Variants in SNTB1 observed in about 807,000 individuals in gnomAD.
SNTB1 encodes beta-1-syntrophin.
Under a neutral mutation model 48.9 loss-of-function variants are expected in SNTB1, and 36 were observed. That is an observed-to-expected ratio of 0.74 (90% CI 0.56 to 0.97). SNTB1 has a LOEUF of 0.97. Among genes scored for constraint, SNTB1 ranks in the 50% least tolerant of loss-of-function variants. The probability of loss-of-function intolerance (pLI) is 0.00; values close to 1 mark genes in which losing one functional copy is unlikely to be tolerated. For synonymous variants in SNTB1, 299 were observed against 294.6 expected (o/e 1.01, Z -0.15); for missense variants, 786 against 703.4 (o/e 1.12, Z -1.33).
rs1400621053 is a variant in SNTB1 at position 120,536,387 on chromosome 8, T to C, written c.*2490A>G. The stretch of plus-strand genomic sequence containing the variant: ...TCCTCAAAGTGACTCGGTTGATTCA[T>C]TGACTGTACCCAAGCATGATCCAGA... On this transcript the variant is annotated 3_prime_UTR_variant, in exon 7 of 7. Transcript: ENST00000517992. 2 of 152,236 alleles carry C rather than the reference T, an allele frequency of 1.3e-5. No individual in the cohort carries two copies. The highest frequency in any genetic ancestry group is 2.4e-5 in the African/African-American group (1 of 41,458). The allele number at this position is 152,236 out of a possible 1,614,324, so 9.4% of individuals were successfully genotyped here. A position where few individuals can be genotyped will look rare whatever the true frequency, so the allele number is the denominator to read the frequency against.
intron 3 of SNTB1, among the ~76,000 whole-genome samples, chr8:120,605,393 G>C (rs1367009400): frequency 6.6e-6 from 1 of 152,192 alleles, no homozygotes; most frequent in African/African-American, 2.4e-5. Context: ...AAGGCTAACA[G>C]CTGGGAATCT....
At chr8:120,740,360 T>C (rs1039360304) in intron 1 of SNTB1, among the ~76,000 whole-genome samples, 1 of 152,194 alleles carries the variant, frequency 6.6e-6, no homozygotes, top group Non-Finnish European at 1.5e-5. Context: ...TCCATTTCCT[T>C]TCATTGATTT....
intron 3 of SNTB1, among the ~76,000 whole-genome samples, chr8:120,584,697 G>A (rs948477995): frequency 1.3e-5 from 2 of 152,126 alleles, no homozygotes; most frequent in African/African-American, 4.8e-5. Flanking sequence ...CCTGACCCCA[G>A]TACCTCAGAA....
intron 3 of SNTB1, among the ~76,000 whole-genome samples, chr8:120,610,025 T>C (rs1816594593): frequency 6.6e-6 from 1 of 152,242 alleles, no homozygotes. Flanking sequence ...ATGTTCTTAA[T>C]TCTCCTGATC....
intron 1 of SNTB1, among the ~76,000 whole-genome samples, chr8:120,746,620 C>A (rs1819130218): frequency 6.6e-6 from 1 of 152,138 alleles, no homozygotes; most frequent in Admixed American, 6.5e-5. Flanking sequence ...TCTAAATAAA[C>A]CAAGTGGTCA....
intron 1 of SNTB1, chr8:120,769,392 T>C (rs1409353918): frequency 6.6e-6 from 1 of 152,200 alleles, no homozygotes; most frequent in African/African-American, 2.4e-5. Context: ...AGTGAGTCAA[T>C]TTCTCCTCTT....
intron 1 of SNTB1, among the ~76,000 whole-genome samples, chr8:120,713,774 T>G (rs954753958): frequency 6.6e-6 from 1 of 152,334 alleles, no homozygotes; most frequent in South Asian, 2.1e-4. Context: ...TTTTTGTGTA[T>G]GTCTGGCTGC....
chr8:120,565,152 G>A (rs1385127311), intron 4 of SNTB1, among the ~76,000 whole-genome samples: 1 of 152,088 alleles, frequency 6.6e-6, no homozygotes, highest in Non-Finnish European at 1.5e-5. Flanking sequence ...GTATAATGAT[G>A]ACCTGTGAAT....
chr8:120,616,117 G>A (rs1816709431), intron 3 of SNTB1, among the ~76,000 whole-genome samples: 1 of 152,092 alleles, frequency 6.6e-6, no homozygotes. Context: ...ATTAGGAAAG[G>A]AAGCCTTCCT....
chr8:120,782,520 A>G (rs1429516351), intron 1 of SNTB1, among the ~76,000 whole-genome samples: 1 of 152,224 alleles, frequency 6.6e-6, no homozygotes, highest in Non-Finnish European at 1.5e-5. Flanking sequence ...ACTCTATTAA[A>G]TAAAATGGAG....
At chr8:120,771,150 G>A (rs868485782) in intron 1 of SNTB1, among the ~76,000 whole-genome samples, 1 of 152,204 alleles carries the variant, frequency 6.6e-6, no homozygotes, top group Non-Finnish European at 1.5e-5. Flanking sequence ...TAGCAGCTGT[G>A]TATCCCCAGG....
intron 3 of SNTB1, among the ~76,000 whole-genome samples, chr8:120,629,158 C>A (rs1011873679): frequency 3.9e-5 from 6 of 152,134 alleles, no homozygotes; most frequent in African/African-American, 1.4e-4. Context: ...TCTTGGAGTG[C>A]AGGGAAATTT....
chr8:120,581,413 G>A (rs1274591828), intron 3 of SNTB1, among the ~76,000 whole-genome samples: 1 of 152,156 alleles, frequency 6.6e-6, no homozygotes, highest in East Asian at 1.9e-4. Flanking sequence ...AGACCAGCCT[G>A]GCCAACATGG....
At chr8:120,750,233 G>C (rs576020149) in intron 1 of SNTB1, among the ~76,000 whole-genome samples, 1 of 136,244 alleles carries the variant, frequency 7.3e-6, no homozygotes, top group East Asian at 2.2e-4. Flanking sequence ...TTAAACCTTT[G>C]TATCTCCAGC....
intron 2 of SNTB1, among the ~76,000 whole-genome samples, chr8:120,644,701 TG>T (rs1817255047): frequency 6.6e-6 from 1 of 151,556 alleles, no homozygotes; most frequent in African/African-American, 2.4e-5. Context: ...CTGGGTCAAA[TG>T]GTATTTCCAG....
intron 2 of SNTB1, among the ~76,000 whole-genome samples, chr8:120,642,780 T>C (rs1349551205): frequency 6.6e-6 from 1 of 152,020 alleles, no homozygotes; most frequent in East Asian, 1.9e-4. Context: ...GGCATGGTGG[T>C]GCACACCTGT....
intron 1 of SNTB1, among the ~76,000 whole-genome samples, chr8:120,698,468 A>C (rs1464733727): frequency 1.3e-5 from 2 of 152,180 alleles, no homozygotes; most frequent in Non-Finnish European, 2.9e-5. Context: ...ATCCGTTCTT[A>C]AAATCCCTTT....
At chr8:120,596,805 G>A (rs10089944) in intron 3 of SNTB1, among the ~76,000 whole-genome samples, 33,276 of 152,046 alleles carry the variant, frequency 0.22, 3,849 homozygotes, top group African/African-American at 0.29. Context: ...TCAGGAAAGC[G>A]TCTTTTCTTT....
chr8:120,676,709 A>G lies in SNTB1; in HGVS notation c.788+16983T>C, dbSNP rs144125589. Among the ~76,000 whole-genome samples, 1,331 of 152,290 alleles carry G rather than the reference A, an allele frequency of 8.7e-3. 8 individuals are homozygous for G. Among genetic ancestry groups the G allele is most frequent in the Middle Eastern group, 0.02 (6 of 294 alleles). ...GACAGAGCACAACAGAAATAGCTGG[A>G]TAACTAGGAAAAAAATGACCAAGGT... On this transcript the variant is annotated intron_variant, in intron 2 of 6. Coordinates refer to ENST00000517992, the MANE Select transcript of SNTB1 (RefSeq NM_021021.4).
Sources: gnomAD v4.1 joint callset for allele counts (sites outside exome capture counted in the v4.1 genomes callset) on GRCh38, gnomAD v4.1.1 for gene constraint, MANE v1.5 for transcripts, NCBI Gene and HGNC (gene_info 2026-07-23, HGNC 2026-07-21) for gene names.